Variants in SLC38A10 observed in about 807,000 individuals in gnomAD.
SLC38A10 encodes Sodium-coupled neutral amino acid transporter 10.
SLC38A10 carries 53 observed loss-of-function variants against 81.0 expected under a neutral mutation model. The observed-to-expected ratio is 0.65, with a 90% CI of 0.53 to 0.82. The LOEUF is 0.82. Ranked by LOEUF, SLC38A10 falls within the 40% of genes least tolerant of loss-of-function variation. The pLI is 0.00. For missense variants in SLC38A10, 1,471 were observed against 1,545.0 expected (o/e 0.95, Z 0.80); for synonymous variants, 665 against 655.3 (o/e 1.01, Z -0.23).
chr17:81,254,099 CA>C (rs1230792433), intron 11 of SLC38A10, among the ~76,000 whole-genome samples: 1 of 152,260 alleles, frequency 6.6e-6, no homozygotes, highest in African/African-American at 2.4e-5. Context: ...CCACCGCCAT[CA>C]CCACCTCCCT....
rs1324136723 is a variant in SLC38A10, at chr17:81,276,270, C to G, written c.730-119G>C. Reference sequence around the variant, plus strand: ...CTGCCCCCCAGAATGGCCTTCAATCCACTTCATAATGAAGCTTCTGCAAGA... The same window carrying G: ...CTGCCCCCCAGAATGGCCTTCAATCGACTTCATAATGAAGCTTCTGCAAGA... On this transcript the variant is annotated intron_variant, in intron 7 of 15. Coordinates refer to ENST00000374759, the MANE Select transcript of SLC38A10 (RefSeq NM_001037984.3). The surrounding 1 kb of genome is among the most constrained non-coding windows in gnomAD (Gnocchi z 4.7). The G allele has an allele frequency of 2.3e-6, 2 of 878,906 alleles. No homozygotes were observed. Among genetic ancestry groups the G allele is most frequent in the African/African-American group, 3.4e-5 (2 of 58,198 alleles). The allele number at this position is 878,906 out of a possible 1,614,324, so 54.4% of individuals were successfully genotyped here.
chr17:81,285,058 G>GGATCTA (rs910595200), intron 2 of SLC38A10, 163 bp from the exon 3 acceptor site: 1 of 514,566 alleles, frequency 1.9e-6, no homozygotes, highest in Non-Finnish European at 3.5e-6. Context: ...GGTTATTTTT[G>GGATCTA]GATCTACTGT....
rs749551820 is a variant in SLC38A10 at position 81,276,198 on chromosome 17, C to T, written c.730-47G>A. 1.7e-5 allele frequency: 26 copies of T among 1,523,012 alleles called. No individual in the cohort carries two copies. Among genetic ancestry groups the T allele is most frequent in the Non-Finnish European group, 2.1e-5 (24 of 1,128,170 alleles). The allele number at this position is 1,523,012 out of a possible 1,614,324, so 94.3% of individuals were successfully genotyped here. A position where few individuals can be genotyped will look rare whatever the true frequency, so the allele number is the denominator to read the frequency against. On this transcript the variant is annotated intron_variant, in intron 7 of 15. Transcript: ENST00000374759. This position sits in a 1 kb window ranked among gnomAD's most constrained non-coding sequence, Gnocchi z 4.7. ...CAACGTGGCAGACAGACATCCTAGC[C>T]GAGTGGCACCTGTCACAGTGGGCAG...
At chr17:81,248,996 G>A (rs2062879056) in intron 14 of SLC38A10, among the ~76,000 whole-genome samples, 2 of 152,176 alleles carry the variant, frequency 1.3e-5, no homozygotes, top group South Asian at 2.1e-4. Context: ...CTCGGCCGTG[G>A]GCCACGTGCT....
Position 81,278,547 on chromosome 17 carries a change from G to A in SLC38A10, c.627-1414C>T, listed in dbSNP as rs908748977. Among the ~76,000 whole-genome samples the A allele has an allele frequency of 3.3e-5, 5 of 152,078 alleles. No individual in the cohort carries two copies. The East Asian group carries it at 5.8e-4, about 18-fold the overall frequency. ...CCCGCAGGACATGAGCCTTCCCCTCGGCCCAGGCTAGAAGGGAGCTAAGTG... is the reference window on the plus strand; with the variant it reads ...CCCGCAGGACATGAGCCTTCCCCTCAGCCCAGGCTAGAAGGGAGCTAAGTG... On this transcript the variant is annotated intron_variant, in intron 6 of 15. Transcript: ENST00000374759.
intron 11 of SLC38A10, among the ~76,000 whole-genome samples, chr17:81,259,086 C>G (rs1271937052): frequency 6.6e-6 from 1 of 152,256 alleles, no homozygotes; most frequent in Non-Finnish European, 1.5e-5. Context: ...GAGTGCGGAG[C>G]TCAGAACAGA....
rs1402853590 is a variant in SLC38A10 at position 81,246,092 on chromosome 17, G to A, written c.2824C>T (p.Pro942Ser). The change falls in exon 16 of 16, where the codon CCC becomes TCC. Residue 942 changes from proline (P) to serine (S), a missense_variant. Coordinates refer to ENST00000374759, the MANE Select transcript of SLC38A10 (RefSeq NM_001037984.3). ...SRDLGLAADL[P>S]GGAEGAAAQP... is the part of the protein sequence containing the mutation. ...GCAGCTGCTCCTTCCGCCCCACCGG[G>A]CAGGTCCGCTGCAAGGCCCAGGTCT... is the stretch of plus-strand genomic sequence containing the variant. 1 of 1,608,526 alleles carries A rather than the reference G, an allele frequency of 6.2e-7. No homozygotes were observed. Among genetic ancestry groups the A allele is most frequent in the Admixed American group, 1.7e-5 (1 of 59,950 alleles).
chr17:81,294,381 T>C (rs2063331952), intron 1 of SLC38A10, among the ~76,000 whole-genome samples: 1 of 152,224 alleles, frequency 6.6e-6, no homozygotes, highest in African/African-American at 2.4e-5. Context: ...ACCTGGTGGA[T>C]GTTTTTAATC....
chr17:81,245,588 T>G lies in SLC38A10; in HGVS notation c.3328A>C (p.Arg1110=). The G allele has an allele frequency of 6.2e-7, 1 of 1,611,136 alleles. No homozygotes were observed. The highest frequency in any genetic ancestry group is 8.5e-7 in the Non-Finnish European group (1 of 1,179,292). The change falls in exon 16 of 16, where the codon AGA becomes CGA. Residue 1110 remains arginine (R), a synonymous_variant. Transcript: ENST00000374759. The part of the protein sequence containing the change: ...ALQVVHSRQL[R]QAPGPPEES ...TCCTCTGGAGGCCCAGGCGCCTGTCTAAGCTGCCGGCTGTGGACCACCTGC... is the reference window on the plus strand; with the variant it reads ...TCCTCTGGAGGCCCAGGCGCCTGTCGAAGCTGCCGGCTGTGGACCACCTGC...
Position 81,284,836 on chromosome 17 carries a change from A to G in SLC38A10, c.263+14T>C. On this transcript the variant is annotated intron_variant, in intron 3 of 15. Coordinates refer to ENST00000374759, the MANE Select transcript of SLC38A10 (RefSeq NM_001037984.3). ...GGGGGTGGGGGGCAAGCGCAGCGGC[A>G]GGGCGGGGCTTACCTGGTCTCCACC... 1 of 1,299,428 alleles carries G rather than the reference A, an allele frequency of 7.7e-7. No homozygotes were observed. The highest frequency in any genetic ancestry group is 1.0e-6 in the Non-Finnish European group (1 of 971,998). The allele number at this position is 1,299,428 out of a possible 1,614,324, so 80.5% of individuals were successfully genotyped here. A position where few individuals can be genotyped will look rare whatever the true frequency, so the allele number is the denominator to read the frequency against.
rs1315508106 is a variant in SLC38A10, at chr17:81,272,564, G to A, written c.976C>T (p.Leu326Phe). The change falls in exon 9 of 16, where the codon CTC becomes TTC. Residue 326 changes from leucine to phenylalanine, a missense_variant. This residue lies in a region of SLC38A10 where 720 missense variants were observed against 827.7 expected (regional missense o/e 0.87). Transcript: ENST00000374759. ...ACCATGGTTCCAAACACCACAGAGAGGGTAAGTGCTTTAAACCGGAGAGGG... is the reference window on the plus strand; with the variant it reads ...ACCATGGTTCCAAACACCACAGAGAAGGTAAGTGCTTTAAACCGGAGAGGG... ...MPPLRFKALTLSVVFGTMVGG... is the reference protein window; with the variant it reads ...MPPLRFKALTFSVVFGTMVGG... 2 of 1,598,874 alleles carry A rather than the reference G, an allele frequency of 1.3e-6. No homozygotes were observed. The highest frequency in any genetic ancestry group is 2.3e-5 in the South Asian group (2 of 88,414).
At chr17:81,252,098 G>A (rs951683382) in intron 13 of SLC38A10, 97 bp downstream of exon 13, 59 of 1,451,916 alleles carry the variant, frequency 4.1e-5, no homozygotes, top group Non-Finnish European at 5.2e-5. Context: ...AGAGAGACTG[G>A]GGACTGAGGG....
In SLC38A10 at chr17:81,283,071, G is replaced by A. The variant is rs1419094312; in HGVS notation, c.357+338C>T. On this transcript the variant is annotated intron_variant, in intron 4 of 15. Transcript: ENST00000374759. This position sits in a 1 kb window ranked among gnomAD's most constrained non-coding sequence, Gnocchi z 4.7. ...CCCCCAGAAGCTCTGGGTGACCATG[G>A]AGGCCGGGGATGCCTGAGGGCCTGG... is the stretch of plus-strand genomic sequence containing the variant. 1.3e-5 allele frequency among the ~76,000 whole-genome samples: 2 copies of A among 152,168 alleles called. No individual in the cohort carries two copies. Among genetic ancestry groups the A allele is most frequent in the African/African-American group, 4.8e-5 (2 of 41,448 alleles).
At position 81,254,199 on chromosome 17, in the gene SLC38A10, T is replaced by G. The variant is rs571792437; in HGVS notation, c.1289-959A>C. Reference sequence around the variant, plus strand: ...TGTCTGAGGAAGAATTCACACAGAGTCCAGTTCAGAGCAGCAGATGGGGCC... The same window carrying G: ...TGTCTGAGGAAGAATTCACACAGAGGCCAGTTCAGAGCAGCAGATGGGGCC... On this transcript the variant is annotated intron_variant, in intron 11 of 15. Coordinates refer to ENST00000374759, the MANE Select transcript of SLC38A10 (RefSeq NM_001037984.3). 3.3e-5 allele frequency among the ~76,000 whole-genome samples: 5 copies of G among 151,894 alleles called. No homozygotes were observed. The East Asian group carries it at 9.7e-4, about 29-fold the overall frequency.
intron 1 of SLC38A10, among the ~76,000 whole-genome samples, chr17:81,292,035 G>A (rs1255983424): frequency 6.6e-6 from 1 of 152,030 alleles, no homozygotes; most frequent in Non-Finnish European, 1.5e-5. Flanking sequence ...CTAAAGAAGT[G>A]TGTACACATT....
At chr17:81,271,673 G>A (rs1051840714) in intron 9 of SLC38A10, among the ~76,000 whole-genome samples, 1 of 151,836 alleles carries the variant, frequency 6.6e-6, no homozygotes, top group African/African-American at 2.4e-5. Context: ...TCTACAAATT[G>A]AGCCTGTGTC....
At chr17:81,264,195 T>G in intron 10 of SLC38A10, 1 of 152,340 alleles carries the variant, frequency 6.6e-6, no homozygotes. Flanking sequence ...TTGGGGGGCC[T>G]GTGGGGAGCA....
rs1416117174 is a variant in SLC38A10, at chr17:81,276,450, A to C, written c.730-299T>G. Among the ~76,000 whole-genome samples, 1 of 144,744 alleles carries C rather than the reference A, an allele frequency of 6.9e-6. No homozygotes were observed. The highest frequency in any genetic ancestry group is 1.5e-5 in the Non-Finnish European group (1 of 67,018). 95.0% of individuals were successfully genotyped at this position (144,744 alleles called of 152,430 possible). Reference sequence around the variant, plus strand: ...GACCAGGCTGGAGTGCAGTGGTGCGATCTTGGCCTCGGCGTACCTCTGCCT... The same window carrying C: ...GACCAGGCTGGAGTGCAGTGGTGCGCTCTTGGCCTCGGCGTACCTCTGCCT... On this transcript the variant is annotated intron_variant, in intron 7 of 15. Transcript: ENST00000374759. This position sits in a 1 kb window ranked among gnomAD's most constrained non-coding sequence, Gnocchi z 4.7.
chr17:81,259,747 C>T (rs1464280585), intron 11 of SLC38A10, among the ~76,000 whole-genome samples: 1 of 152,204 alleles, frequency 6.6e-6, no homozygotes, highest in Non-Finnish European at 1.5e-5. Flanking sequence ...CACGGGGCCC[C>T]TCCTGAAGCG....
Sources: allele counts gnomAD v4.1 joint callset (sites outside exome capture counted in the v4.1 genomes callset), GRCh38; gene constraint gnomAD v4.1.1; regional missense constraint gnomAD v4.1.1; non-coding constraint Gnocchi (gnomAD v3.1); transcripts MANE v1.5; gene names NCBI Gene and HGNC (gene_info 2026-07-23, HGNC 2026-07-21).